TUT4: variants seen among roughly 807,000 people sequenced by gnomAD.
The protein encoded by TUT4 is terminal uridylyltransferase 4.
TUT4 carries 36 observed loss-of-function variants against 192.2 expected under a neutral mutation model. The ratio of observed to expected loss-of-function variants is 0.19; its 90% confidence interval spans 0.14 to 0.25. TUT4 has a LOEUF of 0.25. Among genes scored for constraint, TUT4 ranks in the 10% least tolerant of loss-of-function variants. The pLI is 1.00. For synonymous variants in TUT4, 618 were observed against 666.0 expected (o/e 0.93, Z 1.11); for missense variants, 1,493 against 1,957.2 (o/e 0.76, Z 4.47).
chr1:52,424,466 A>T (rs1649131624), intron 29 of TUT4: 1 of 155,458 alleles, frequency 6.4e-6, no homozygotes, highest in Non-Finnish European at 1.4e-5. Context: ...CATTTCATTC[A>T]ATCAGCATTT....
chr1:52,492,277 T>C (rs1252785795), intron 7 of TUT4, among the ~76,000 whole-genome samples: 1 of 152,126 alleles, frequency 6.6e-6, no homozygotes, highest in African/African-American at 2.4e-5. Flanking sequence ...TGATAAGAGC[T>C]GATTGTGTGG....
At chr1:52,492,804 A>G (rs972130068) in intron 7 of TUT4, among the ~76,000 whole-genome samples, 1 of 152,246 alleles carries the variant, frequency 6.6e-6, no homozygotes, top group Admixed American at 6.5e-5. Flanking sequence ...TTACAAAGGC[A>G]ATCCAGACAG....
chr1:52,471,892 T>G (rs1381266625), intron 14 of TUT4, 60 bp downstream of exon 14: 9 of 1,497,354 alleles, frequency 6.0e-6, no homozygotes, highest in Admixed American at 2.2e-5. Flanking sequence ...AATCAGAAAA[T>G]TAATATTTAA....
chr1:52,435,495 C>G (rs1653455963), intron 26 of TUT4, 30 bp from the exon 27 acceptor site: 1 of 1,545,068 alleles, frequency 6.5e-7, no homozygotes, highest in African/African-American at 1.4e-5. Context: ...AGAAAATCAA[C>G]AGATAAGGAA....
At chr1:52,485,798 T>G (rs1036395999) in intron 9 of TUT4, among the ~76,000 whole-genome samples, 2 of 152,066 alleles carry the variant, frequency 1.3e-5, no homozygotes, top group Non-Finnish European at 2.9e-5. Flanking sequence ...CTTTGATACA[T>G]GGATATATTT....
At chr1:52,462,352 A>G (rs1570564298) in intron 16 of TUT4, 1 of 151,748 alleles carries the variant, frequency 6.6e-6, no homozygotes, top group East Asian at 1.9e-4. Context: ...TGCCCGGCTA[A>G]TTTTTTTGTA....
chr1:52,438,369 C>A (rs1654443889), intron 24 of TUT4, 34 bp from the exon 25 acceptor site: 2 of 1,472,942 alleles, frequency 1.4e-6, no homozygotes, highest in African/African-American at 1.4e-5. Flanking sequence ...TAGGAGGAAT[C>A]ACTATAAAAC....
chr1:52,553,217 AG>A (rs1466275187), upstream of TUT4: 1 of 149,660 alleles, frequency 6.7e-6, no homozygotes, highest in Non-Finnish European at 1.5e-5. Context: ...GGGAGGGGAG[AG>A]GACAGAGCCT....
intron 4 of TUT4, among the ~76,000 whole-genome samples, chr1:52,502,236 T>C (rs1240698600): frequency 6.6e-6 from 1 of 152,068 alleles, no homozygotes; most frequent in Non-Finnish European, 1.5e-5. Context: ...TTTGCATTTC[T>C]AGGCCTTCCT....
At chr1:52,483,108 A>G (rs1668918567) in intron 9 of TUT4, among the ~76,000 whole-genome samples, 4 of 152,190 alleles carry the variant, frequency 2.6e-5, no homozygotes, top group Admixed American at 1.3e-4. Context: ...CTTAAAAAAT[A>G]ATTTTCAATA....
chr1:52,522,527 A>C (rs769656355), intron 2 of TUT4, among the ~76,000 whole-genome samples: 1 of 152,236 alleles, frequency 6.6e-6, no homozygotes, highest in African/African-American at 2.4e-5. Flanking sequence ...GAAGGTTACA[A>C]AGTAAGTAAA....
intron 11 of TUT4, among the ~76,000 whole-genome samples, chr1:52,479,526 T>C (rs991759165): frequency 7.9e-5 from 12 of 152,104 alleles, no homozygotes; most frequent in African/African-American, 2.9e-4. Context: ...CAAGACTTGA[T>C]ATAGGGTATG....
intron 13 of TUT4, 45 bp from the exon 14 acceptor site, chr1:52,472,147 G>C (rs1490178204): frequency 1.3e-6 from 2 of 1,571,174 alleles, no homozygotes; most frequent in Admixed American, 3.5e-5. Context: ...ACTTTTGAGG[G>C]ACTTCATCAC....
chr1:52,495,663 T>C (rs1412848264), intron 5 of TUT4, 148 bp from the exon 6 acceptor site: 6 of 525,830 alleles, frequency 1.1e-5, no homozygotes, highest in African/African-American at 7.8e-5. Context: ...CCTTTCTAAC[T>C]GATCTATAGA....
chr1:52,490,873 AAC>A, intron 7 of TUT4, 72 bp from the exon 8 acceptor site: 2 of 1,217,964 alleles, frequency 1.6e-6, no homozygotes, highest in Non-Finnish European at 2.3e-6. Context: ...AACATTAAGT[AAC>A]AGTTTCCTTC....
intron 1 of TUT4, among the ~76,000 whole-genome samples, chr1:52,528,184 AAATAAT>A (rs985356717): frequency 2.1e-5 from 3 of 145,950 alleles, no homozygotes; most frequent in Non-Finnish European, 4.5e-5. Flanking sequence ...ATCTCGAAAA[AAATAAT>A]AATAATAATA....
In TUT4 at chr1:52,515,899, G is replaced by C; in HGVS notation, c.874C>G (p.Leu292Val). The part of the protein sequence containing the change: ...ERLERDHIFR[L>V]EKRSPEYTNC... Reference sequence around the variant, plus strand: ...AAAACAACATAGTATACTTTTTCAAGTCGAAAGATGTGATCTCTTTCTAAG... The same window carrying C: ...AAAACAACATAGTATACTTTTTCAACTCGAAAGATGTGATCTCTTTCTAAG... The change falls in exon 3 of 30, where the codon CTT becomes GTT. Residue 292 changes from leucine to valine, a missense_variant. This residue lies in a region of TUT4 where 437 missense variants were observed against 577.6 expected (regional missense o/e 0.76). Transcript: ENST00000257177. 1 of 1,613,694 alleles carries C rather than the reference G, an allele frequency of 6.2e-7. No individual in the cohort carries two copies. The highest frequency in any genetic ancestry group is 8.5e-7 in the Non-Finnish European group (1 of 1,179,944).
At chr1:52,532,086 C>T (rs1683615089) in intron 1 of TUT4, among the ~76,000 whole-genome samples, 1 of 151,572 alleles carries the variant, frequency 6.6e-6, no homozygotes, top group Admixed American at 6.6e-5. Context: ...CGGGGTTTTA[C>T]CATGTTGGTC....
chr1:52,525,277 T>C (rs774006220), intron 2 of TUT4, among the ~76,000 whole-genome samples: 30 of 152,194 alleles, frequency 2.0e-4, no homozygotes, highest in Non-Finnish European at 4.3e-4. Context: ...CAAGAGTGTG[T>C]ATGTGTACGA....
Sources: allele counts gnomAD v4.1 joint callset (sites outside exome capture counted in the v4.1 genomes callset), GRCh38; gene constraint gnomAD v4.1.1; regional missense constraint gnomAD v4.1.1; transcripts MANE v1.5; gene names NCBI Gene and HGNC (gene_info 2026-07-23, HGNC 2026-07-21).